Variants in RAET1E observed in about 807,000 individuals in gnomAD.
The protein encoded by RAET1E is NKG2D ligand 4.
In RAET1E, 27 loss-of-function variants were observed where a neutral mutation model predicts 21.1. The ratio of observed to expected loss-of-function variants is 1.28; its 90% CI spans 0.94 to 1.76. RAET1E has a LOEUF of 1.76. Among genes scored for constraint, RAET1E ranks in the 40% most tolerant of loss-of-function variants. The pLI, the probability that RAET1E is intolerant of heterozygous loss-of-function variation, is 0.00. For synonymous variants in RAET1E, 113 were observed against 115.0 expected, an observed-to-expected ratio of 0.98 and a Z score of 0.11; for missense variants, 310 against 311.3, an observed-to-expected ratio of 1.00 and a Z score of 0.03.
At chr6:149,888,690 A>G (rs1240183616) in intron 5 of RAET1E, 23 bp from the exon 6 acceptor site, 11 of 1,547,054 alleles carry the variant, frequency 7.1e-6, no homozygotes, top group South Asian at 1.2e-5. Context: ...AAAAAAAGAA[A>G]AAAAAGCACA....
chr6:149,889,054 A>C, intron 5 of RAET1E: 1 of 1,342,562 alleles, frequency 7.4e-7, no homozygotes, highest in Non-Finnish European at 9.6e-7. Context: ...GAGGAAGAGA[A>C]GGCCTGGATG....
At chr6:149,894,693 C>T (rs571662154) in intron 2 of RAET1E, among the ~76,000 whole-genome samples, 4 of 152,082 alleles carry the variant, frequency 2.6e-5, no homozygotes, top group African/African-American at 7.2e-5. Context: ...TTTCAAGGTT[C>T]TTATCTTCCT....
chr6:149,891,367 A>T (rs551235493), intron 2 of RAET1E, among the ~76,000 whole-genome samples: 3 of 152,164 alleles, frequency 2.0e-5, no homozygotes, highest in South Asian at 4.1e-4. Flanking sequence ...CACTGTCCCT[A>T]ACCCGTTCAA....
chr6:149,895,879 G>A lies in RAET1E; in HGVS notation c.-167C>T, dbSNP rs140388996. On this transcript the variant is annotated 5_prime_UTR_variant, in exon 2 of 6. Transcript: ENST00000357183. ...AAGATGGGAAGTCCAAGATCAAGGT[G>A]TCAGCAGGTCCGGTATCTGGCGAGG... 1 of 152,266 alleles carries A rather than the reference G, an allele frequency of 6.6e-6. No individual in the cohort carries two copies. The highest frequency in any genetic ancestry group is 1.5e-5 in the Non-Finnish European group (1 of 68,060). The allele number at this position is 152,266 out of a possible 1,614,324, so 9.4% of individuals were successfully genotyped here.
intron 3 of RAET1E, 72 bp downstream of exon 3, chr6:149,890,745 C>T: frequency 9.9e-7 from 1 of 1,006,040 alleles, no homozygotes; most frequent in Non-Finnish European, 1.6e-6. Flanking sequence ...CTGCATGAAG[C>T]CCCATTCGCC....
rs184117813 is a variant in RAET1E, at chr6:149,888,238, G to A, written c.*260C>T. The A allele has an allele frequency of 2.6e-5, 18 of 687,972 alleles. No homozygotes were observed. The highest frequency in any genetic ancestry group is 1.2e-4 in the East Asian group (4 of 33,828). The allele number at this position is 687,972 out of a possible 1,614,324, so 42.6% of individuals were successfully genotyped here. On this transcript the variant is annotated 3_prime_UTR_variant, in exon 6 of 6. Coordinates refer to ENST00000357183, the MANE Select transcript of RAET1E (RefSeq NM_001394057.1). ...AACGCAGACAGCAAACAAACTTTCCGTCAAAGAGCTGGATGAAACCTGGGC... is the reference window on the plus strand; with the variant it reads ...AACGCAGACAGCAAACAAACTTTCCATCAAAGAGCTGGATGAAACCTGGGC...
chr6:149,886,455 C>T lies in RAET1E; in HGVS notation c.*2043G>A, dbSNP rs956903470. On this transcript the variant is annotated 3_prime_UTR_variant, in exon 6 of 6. Coordinates refer to ENST00000357183, the MANE Select transcript of RAET1E (RefSeq NM_001394057.1). ...TGTCACCCAGGCTGGAGTGCAATGG[C>T]GCAATATCAGCTCACTGCAAACTCC... Among the ~76,000 whole-genome samples the T allele has an allele frequency of 1.3e-5, 2 of 152,162 alleles. No homozygotes were observed. Among genetic ancestry groups the T allele is most frequent in the Non-Finnish European group, 2.9e-5 (2 of 68,032 alleles).
At chr6:149,896,635 T>C (rs894046347) in intron 1 of RAET1E, among the ~76,000 whole-genome samples, 2 of 141,808 alleles carry the variant, frequency 1.4e-5, no homozygotes, top group African/African-American at 5.6e-5. Flanking sequence ...ACAGAGTGTA[T>C]GTGTGTGTTT....
In RAET1E at chr6:149,884,311, T is replaced by A. The variant is rs959029170; in HGVS notation, c.*4187A>T. The A allele has an allele frequency of 2.7e-3, 1,366 of 511,106 alleles. 1 individual carries two copies. The highest frequency in any genetic ancestry group is 0.017 in the East Asian group (449 of 26,864). The allele number at this position is 511,106 out of a possible 1,614,324, so 31.7% of individuals were successfully genotyped here. Reference sequence around the variant, plus strand: ...TAAAAAATATGTACTGAAAAAAAATTTTTTTTTTTTGAGACGGAGTCTTGC... The same window carrying A: ...TAAAAAATATGTACTGAAAAAAAATATTTTTTTTTTGAGACGGAGTCTTGC... On this transcript the variant is annotated 3_prime_UTR_variant, in exon 6 of 6. Transcript: ENST00000357183.
At chr6:149,892,975 T>C (rs1489460062) in intron 2 of RAET1E, among the ~76,000 whole-genome samples, 1 of 152,214 alleles carries the variant, frequency 6.6e-6, no homozygotes, top group Non-Finnish European at 1.5e-5. Context: ...CTTTTCCCCA[T>C]TGCTTGTGTG....
chr6:149,892,118 T>TATCA (rs1219924242), intron 2 of RAET1E, among the ~76,000 whole-genome samples: 3 of 152,222 alleles, frequency 2.0e-5, no homozygotes, highest in African/African-American at 7.2e-5. Flanking sequence ...TTTCTTAATC[T>TATCA]ATCATTGATG....
rs954842227 is a variant in RAET1E at position 149,887,224 on chromosome 6, C to G, written c.*1274G>C. Among the ~76,000 whole-genome samples, 1 of 152,196 alleles carries G rather than the reference C, an allele frequency of 6.6e-6. No homozygotes were observed. The highest frequency in any genetic ancestry group is 2.4e-5 in the African/African-American group (1 of 41,438). On this transcript the variant is annotated 3_prime_UTR_variant, in exon 6 of 6. Coordinates refer to ENST00000357183, the MANE Select transcript of RAET1E (RefSeq NM_001394057.1). The stretch of plus-strand genomic sequence containing the variant: ...TTCAGACCCAGCTTCTAAAACTGTT[C>G]TTTTGCCTCCCTTCCTACTCACCAA...
chr6:149,890,772 C>T (rs1243592756), intron 3 of RAET1E, 45 bp downstream of exon 3: 1 of 1,393,242 alleles, frequency 7.2e-7, no homozygotes, highest in South Asian at 1.2e-5. Context: ...CTACCTTTCT[C>T]CCTCCTCCTT....
chr6:149,892,751 T>C (rs1194630328), intron 2 of RAET1E, among the ~76,000 whole-genome samples: 2 of 152,338 alleles, frequency 1.3e-5, no homozygotes, highest in East Asian at 3.9e-4. Flanking sequence ...TGCCAGTGCT[T>C]TTGGTGTTTT....
intron 2 of RAET1E, among the ~76,000 whole-genome samples, chr6:149,895,063 G>A (rs1193176041): frequency 6.6e-6 from 1 of 152,086 alleles, no homozygotes; most frequent in Non-Finnish European, 1.5e-5. Context: ...TCCCAACCCT[G>A]TTTACCTGGG....
intron 3 of RAET1E, 81 bp from the exon 4 acceptor site, chr6:149,890,226 C>T (rs938617358): frequency 4.7e-6 from 7 of 1,505,018 alleles, no homozygotes; most frequent in Non-Finnish European, 6.4e-6. Flanking sequence ...CCAAGACTCC[C>T]TGGACTGGGC....
Position 149,888,230 on chromosome 6 carries a change from A to T in RAET1E, c.*268T>A. On this transcript the variant is annotated 3_prime_UTR_variant, in exon 6 of 6. Coordinates refer to ENST00000357183, the MANE Select transcript of RAET1E (RefSeq NM_001394057.1). ...TCACGGTAAACGCAGACAGCAAACA[A>T]ACTTTCCGTCAAAGAGCTGGATGAA... 1 of 682,778 alleles carries T rather than the reference A, an allele frequency of 1.5e-6. No homozygotes were observed. The highest frequency in any genetic ancestry group is 2.7e-6 in the Non-Finnish European group (1 of 369,564). The allele number at this position is 682,778 out of a possible 1,614,324, so 42.3% of individuals were successfully genotyped here.
At position 149,891,679 on chromosome 6, in the gene RAET1E, G is replaced by A. The variant is rs992367556; in HGVS notation, c.-133-645C>T. 3.3e-5 allele frequency among the ~76,000 whole-genome samples: 5 copies of A among 152,058 alleles called. No homozygotes were observed. In the South Asian group the frequency reaches 6.2e-4, roughly 19 times the overall value. ...AGGCAGGAGGATCACTTGAGGCCGG[G>A]AGTTCAAGACCAGCCTGGGCAACAT... On this transcript the variant is annotated intron_variant, in intron 2 of 5. Coordinates refer to ENST00000357183, the MANE Select transcript of RAET1E (RefSeq NM_001394057.1).
At chr6:149,897,894 C>G (rs564140439) in intron 1 of RAET1E, 127 bp downstream of exon 1, 2 of 151,770 alleles carry the variant, frequency 1.3e-5, no homozygotes, top group African/African-American at 4.8e-5. Context: ...CCCAACCCCA[C>G]TTTTACTTCA....
Sources: allele counts gnomAD v4.1 joint callset (sites outside exome capture counted in the v4.1 genomes callset), GRCh38; gene constraint gnomAD v4.1.1; transcripts MANE v1.5; gene names NCBI Gene and HGNC (gene_info 2026-07-23, HGNC 2026-07-21).